Variants in RARB observed in about 807,000 individuals in gnomAD.
RARB encodes HBV-activated protein.
In RARB, 17 loss-of-function variants were observed where a neutral mutation model predicts 51.9. The ratio of observed to expected loss-of-function variants is 0.33; its 90% CI spans 0.22 to 0.49. RARB has a LOEUF of 0.49. Among genes scored for constraint, RARB ranks in the 20% least tolerant of loss-of-function variants. The pLI, the probability that RARB is intolerant of heterozygous loss-of-function variation, is 0.99. For synonymous variants in RARB, 215 were observed against 195.4 expected, an observed-to-expected ratio of 1.10 and a Z score of -0.84; for missense variants, 369 against 550.8, an observed-to-expected ratio of 0.67 and a Z score of 3.30.
At chr3:25,459,471 C>G (rs939119824) in intron 1 of RARB, among the ~76,000 whole-genome samples, 4 of 152,060 alleles carry the variant, frequency 2.6e-5, no homozygotes, top group Admixed American at 1.3e-4. Context: ...TAATTGGTGA[C>G]TATTGGAGGG....
At chr3:24,890,654 T>A (rs758341663) in intron 2 of RARB, among the ~76,000 whole-genome samples, 17 of 152,154 alleles carry the variant, frequency 1.1e-4, no homozygotes, top group Non-Finnish European at 2.2e-4. Context: ...CCTTGACATA[T>A]GGGTCACCAT....
chr3:24,942,551 AATG>A (rs1357975747), intron 2 of RARB, among the ~76,000 whole-genome samples: 1 of 152,196 alleles, frequency 6.6e-6, no homozygotes, highest in Non-Finnish European at 1.5e-5. Flanking sequence ...TTGAGCACAG[AATG>A]ATGATAAGCA....
chr3:25,030,263 C>G (rs1697843063), intron 2 of RARB, among the ~76,000 whole-genome samples: 1 of 152,208 alleles, frequency 6.6e-6, no homozygotes. Flanking sequence ...CATGTTAAAG[C>G]CAGCAGCGCT....
chr3:25,553,241 G>A (rs1000041474), intron 3 of RARB, among the ~76,000 whole-genome samples: 3 of 150,702 alleles, frequency 2.0e-5, no homozygotes, highest in African/African-American at 7.3e-5. Flanking sequence ...CTAGTCTCTC[G>A]TTGCCCTTTC....
intron 5 of RARB, among the ~76,000 whole-genome samples, chr3:25,198,909 A>C: frequency 6.6e-6 from 1 of 152,022 alleles, no homozygotes; most frequent in Non-Finnish European, 1.5e-5. Context: ...AACTAGAAAT[A>C]CCATATGATC....
intron 5 of RARB, among the ~76,000 whole-genome samples, chr3:25,206,867 A>G (rs893609552): frequency 6.6e-6 from 1 of 152,188 alleles, no homozygotes; most frequent in Non-Finnish European, 1.5e-5. Context: ...CCTGAGTGCT[A>G]GAATCAATTG....
intron 5 of RARB, among the ~76,000 whole-genome samples, chr3:25,315,707 G>A (rs189743384): frequency 7.9e-5 from 12 of 152,102 alleles, no homozygotes; most frequent in Non-Finnish European, 1.5e-4. Flanking sequence ...TCTGCTTCCC[G>A]GGTTAAAGCG....
At chr3:25,565,597 CAATG>C (rs371975591) in intron 3 of RARB, among the ~76,000 whole-genome samples, 53 of 152,230 alleles carry the variant, frequency 3.5e-4, no homozygotes, top group African/African-American at 1.1e-3. Flanking sequence ...ATGAACAAAA[CAATG>C]AAGGAACAAA....
intron 2 of RARB, among the ~76,000 whole-genome samples, chr3:24,931,627 G>A (rs1695441924): frequency 2.0e-5 from 3 of 152,038 alleles, no homozygotes; most frequent in South Asian, 2.1e-4. Flanking sequence ...CAGACTGATA[G>A]GTACAGTCAC....
chr3:24,878,210 A>AT (rs58436769), intron 2 of RARB, among the ~76,000 whole-genome samples: 8,376 of 146,326 alleles, frequency 0.057, 325 homozygotes, highest in East Asian at 0.12. Context: ...TAGCCAAACC[A>AT]TTTTTTTTTT....
At chr3:24,938,540 G>A (rs1419813063) in intron 2 of RARB, among the ~76,000 whole-genome samples, 1 of 152,144 alleles carries the variant, frequency 6.6e-6, no homozygotes, top group African/African-American at 2.4e-5. Flanking sequence ...CAAACCCAGA[G>A]AGACTATTAT....
chr3:24,878,600 C>T (rs1703096391), intron 2 of RARB, among the ~76,000 whole-genome samples: 1 of 152,090 alleles, frequency 6.6e-6, no homozygotes, highest in African/African-American at 2.4e-5. Flanking sequence ...CTATTGTGTG[C>T]ATTGTAGGAT....
intron 2 of RARB, among the ~76,000 whole-genome samples, chr3:25,009,533 C>A (rs1242952327): frequency 1.3e-5 from 2 of 152,086 alleles, no homozygotes; most frequent in African/African-American, 4.8e-5. Context: ...GTTCTAAGAT[C>A]TCTGGTTTCA....
intron 5 of RARB, among the ~76,000 whole-genome samples, chr3:25,406,939 C>T (rs1403409965): frequency 6.6e-6 from 1 of 152,182 alleles, no homozygotes; most frequent in Non-Finnish European, 1.5e-5. Context: ...TTTGATGCCT[C>T]TAAGTTATCT....
At chr3:24,862,742 C>G (rs1055408421) in intron 2 of RARB, among the ~76,000 whole-genome samples, 5 of 152,156 alleles carry the variant, frequency 3.3e-5, no homozygotes, top group African/African-American at 1.2e-4. Context: ...GGGGGCTACT[C>G]TACTAAACCT....
intron 2 of RARB, among the ~76,000 whole-genome samples, chr3:24,915,933 A>G (rs56016839): frequency 0.014 from 2,161 of 152,230 alleles, 54 homozygotes; most frequent in African/African-American, 0.046. Flanking sequence ...GGCTGCAGAA[A>G]AGCAAGTTCA....
chr3:24,909,596 C>T (rs1438527779), intron 2 of RARB, among the ~76,000 whole-genome samples: 1 of 149,674 alleles, frequency 6.7e-6, no homozygotes, highest in Non-Finnish European at 1.5e-5. Flanking sequence ...TACCTCATCT[C>T]CAAGATTCAG....
chr3:24,946,211 C>A (rs1265078456), intron 2 of RARB, among the ~76,000 whole-genome samples: 1 of 149,116 alleles, frequency 6.7e-6, no homozygotes, highest in African/African-American at 2.5e-5. Context: ...TTGCAGTGAG[C>A]CGAGGTCACA....
intron 2 of RARB, among the ~76,000 whole-genome samples, chr3:25,055,979 T>C (rs1455445810): frequency 1.3e-5 from 2 of 152,098 alleles, no homozygotes; most frequent in East Asian, 3.9e-4. Context: ...TCCATGATTA[T>C]CGTTAAATGC....
Sources: gnomAD v4.1 joint callset for allele counts (sites outside exome capture counted in the v4.1 genomes callset) on GRCh38, gnomAD v4.1.1 for gene constraint, MANE v1.5 for transcripts, NCBI Gene and HGNC (gene_info 2026-07-23, HGNC 2026-07-21) for gene names.